The following FAT2 variants were observed in gnomAD, a reference collection of about 807,000 sequenced individuals.
The protein encoded by FAT2 is FAT atypical cadherin 2.
A neutral mutation model predicts 295.3 loss-of-function variants in FAT2; 150 were observed. That is an observed-to-expected ratio of 0.51 (90% confidence interval 0.44 to 0.58). FAT2 has a LOEUF of 0.58. FAT2 is among the 20% of genes least tolerant of loss of function. The pLI is 0.00. For synonymous variants in FAT2, 2,026 were observed against 2,150.3 expected, an observed-to-expected ratio of 0.94 and a Z score of 1.60; for missense variants, 4,868 against 5,442.7, an observed-to-expected ratio of 0.89 and a Z score of 3.32.
At chr5:151,540,861 G>A in intron 10 of FAT2, 98 bp from the exon 11 acceptor site, 1 of 1,121,784 alleles carries the variant, frequency 8.9e-7, no homozygotes, top group South Asian at 1.6e-5. Flanking sequence ...TTTTAGAATT[G>A]TTGGGAAAGC....
At chr5:151,506,582 T>C (rs1405333449) in intron 23 of FAT2, among the ~76,000 whole-genome samples, 1 of 152,224 alleles carries the variant, frequency 6.6e-6, no homozygotes, top group Non-Finnish European at 1.5e-5. Flanking sequence ...TACTGAATAG[T>C]TGGGTTAGTT....
At chr5:151,585,348 A>G (rs1009329652) in intron 1 of FAT2, among the ~76,000 whole-genome samples, 4 of 152,262 alleles carry the variant, frequency 2.6e-5, no homozygotes, top group Non-Finnish European at 5.9e-5. Context: ...GGCCAGGCTC[A>G]TGCCTATAAT....
intron 12 of FAT2, among the ~76,000 whole-genome samples, chr5:151,536,651 A>C (rs543353627): frequency 6.6e-6 from 1 of 152,142 alleles, no homozygotes; most frequent in Non-Finnish European, 1.5e-5. Context: ...ACTCTGCTCT[A>C]TCTCTTGGCT....
At chr5:151,593,087 G>A (rs574838253), upstream of FAT2, among the ~76,000 whole-genome samples, 15 of 152,192 alleles carry the variant, frequency 9.9e-5, 1 homozygote, top group South Asian at 4.1e-4. Context: ...CCTCCGCCCC[G>A]GATGAGAGGC....
At chr5:151,511,312 T>C (rs1761306709) in intron 21 of FAT2, 1 of 152,138 alleles carries the variant, frequency 6.6e-6, no homozygotes, top group Non-Finnish European at 1.5e-5. Context: ...ACCTCTCATG[T>C]TGTGTGTGAT....
chr5:151,584,573 G>A (rs570415533), intron 1 of FAT2, among the ~76,000 whole-genome samples: 24 of 152,272 alleles, frequency 1.6e-4, no homozygotes, highest in African/African-American at 5.8e-4. Flanking sequence ...TGGCTGCACC[G>A]CATACGGTCT....
chr5:151,514,937 T>C (rs967013606), intron 20 of FAT2, among the ~76,000 whole-genome samples: 4 of 152,244 alleles, frequency 2.6e-5, no homozygotes, highest in African/African-American at 9.6e-5. Flanking sequence ...ATTGCTCTAA[T>C]CTTTATTTTC....
At chr5:151,569,876 C>G (rs112452466) in intron 1 of FAT2, among the ~76,000 whole-genome samples, 4 of 152,350 alleles carry the variant, frequency 2.6e-5, no homozygotes, top group African/African-American at 9.6e-5. Context: ...ACCAAGATCC[C>G]AGGCGTGGCA....
chr5:151,545,480 C>T lies in FAT2; in HGVS notation c.5647G>A (p.Gly1883Arg), dbSNP rs189352048. The T allele has an allele frequency of 1.1e-4, 174 of 1,614,120 alleles. No homozygotes were observed. The East Asian group carries it at 3.0e-3, about 27-fold the overall frequency. Residue 1883 changes from glycine to arginine, a missense_variant, in exon 10 of 24, where the codon GGG becomes AGG. Gly to Arg is a moderately radical substitution (Grantham distance 125, BLOSUM62 -2). This residue lies in a region of FAT2 where 3,297 missense variants were observed against 3,669.4 expected (regional missense o/e 0.90). Transcript: ENST00000261800. ...AGCTCCATGCCTGGATGGATAGGCCCGACTATTGCTACCTCATATATCTGT... is the reference window on the plus strand; with the variant it reads ...AGCTCCATGCCTGGATGGATAGGCCTGACTATTGCTACCTCATATATCTGT... ...SEQIYEVAIVGPIHPGMELLM... is the reference protein window; with the variant it reads ...SEQIYEVAIVRPIHPGMELLM...
rs1235591397 is a variant in FAT2 at position 151,505,734 on chromosome 5, C to A, written c.12881G>T (p.Gly4294Val). 9 of 1,613,612 alleles carry A rather than the reference C, an allele frequency of 5.6e-6. No individual in the cohort carries two copies. The highest frequency in any genetic ancestry group is 7.6e-6 in the Non-Finnish European group (9 of 1,179,598). ...GGGGPCLADG[G>V]YKGVGMRLSR... ...GAGGCGCATACCCACCCCCTTGTAG[C>A]CCCCGTCTGCCAGGCAGGGCCCTCC... The change falls in exon 24 of 24, where the codon GGC becomes GTC. Residue 4294 changes from glycine (G) to valine (V), a missense_variant. Around this residue, in one of 5 missense-constraint regions of FAT2, gnomAD observed 492 missense variants for 482.6 expected, o/e 1.02. Transcript: ENST00000261800.
Position 151,567,639 on chromosome 5 carries a change from T to G in FAT2, c.1293A>C (p.Leu431=). The change falls in exon 2 of 24, where the codon CTA becomes CTC. Residue 431 remains leucine (L), a synonymous_variant. Coordinates refer to ENST00000261800, the MANE Select transcript of FAT2 (RefSeq NM_001447.3). ...MDFHDRAHYQ[L]HIRTSPGQAS... ...CCTGGCCCGGTGAGGTTCTGATGTG[T>G]AGCTGATAGTGGGCTCTGTCGTGGA... 4.3e-6 allele frequency: 7 copies of G among 1,614,126 alleles called. No homozygotes were observed. The highest frequency in any genetic ancestry group is 5.9e-6 in the Non-Finnish European group (7 of 1,180,010).
chr5:151,553,172 C>G lies in FAT2; in HGVS notation c.4156+5G>C, dbSNP rs370994434. 13 of 1,614,194 alleles carry G rather than the reference C, an allele frequency of 8.1e-6. No homozygotes were observed. In the South Asian group the frequency reaches 1.4e-4, roughly 18 times the overall value. On this transcript the variant is annotated splice_donor_5th_base_variant and intron_variant, in intron 6 of 23. Coordinates refer to ENST00000261800, the MANE Select transcript of FAT2 (RefSeq NM_001447.3). The stretch of plus-strand genomic sequence containing the variant: ...GCCCTTGTTGGGCCCTAGGCCTTGC[C>G]TCACCTGAGATGTTGAACCAGAAGA...
chr5:151,575,082 G>A (rs1447509676), intron 1 of FAT2, among the ~76,000 whole-genome samples: 1 of 152,252 alleles, frequency 6.6e-6, no homozygotes, highest in Non-Finnish European at 1.5e-5. Flanking sequence ...ATGGCAGTCT[G>A]AAGTGTCAGC....
intron 6 of FAT2, among the ~76,000 whole-genome samples, chr5:151,552,406 G>C (rs936639613): frequency 2.0e-5 from 3 of 152,190 alleles, no homozygotes; most frequent in Non-Finnish European, 4.4e-5. Context: ...CAAAGAGCTT[G>C]GGTCAAGGGC....
chr5:151,569,018 T>C, intron 1 of FAT2, 67 bp from the exon 2 acceptor site: 47 of 1,422,066 alleles, frequency 3.3e-5, no homozygotes, highest in Non-Finnish European at 4.2e-5. Flanking sequence ...CTGTGATTCT[T>C]AACTGGAGGT....
intron 3 of FAT2, among the ~76,000 whole-genome samples, chr5:151,557,113 G>A (rs747050962): frequency 1.3e-5 from 2 of 152,110 alleles, no homozygotes; most frequent in African/African-American, 2.4e-5. Context: ...CAACCAGTAG[G>A]GTTACTGGTG....
chr5:151,506,806 C>T (rs1760919726), intron 23 of FAT2, among the ~76,000 whole-genome samples: 1 of 152,238 alleles, frequency 6.6e-6, no homozygotes, highest in South Asian at 2.1e-4. Context: ...CAACCAGAAG[C>T]TTAGACCACT....
At position 151,543,079 on chromosome 5, in the gene FAT2, G is replaced by A; in HGVS notation, c.8048C>T (p.Pro2683Leu). The part of the protein sequence containing the change: ...SLVPVRLQVV[P>L]KKVSLPKFSE... ...AAATTTCGGTAAGGATACTTTTTTA[G>A]GAACCACCTGAAGTCGTACTGGCAC... The change falls in exon 10 of 24, where the codon CCT becomes CTT. Residue 2683 changes from proline to leucine, a missense_variant. By Grantham distance (98) the Pro-to-Leu change is moderately conservative (BLOSUM62 -3). Coordinates refer to ENST00000261800, the MANE Select transcript of FAT2 (RefSeq NM_001447.3). The A allele has an allele frequency of 6.2e-7, 1 of 1,614,142 alleles. No homozygotes were observed. Among genetic ancestry groups the A allele is most frequent in the East Asian group, 2.2e-5 (1 of 44,884 alleles).
chr5:151,549,752 G>A (rs531375173), intron 8 of FAT2, among the ~76,000 whole-genome samples: 2 of 152,268 alleles, frequency 1.3e-5, no homozygotes, highest in African/African-American at 4.8e-5. Context: ...GACAGAAATA[G>A]GCAGAGAAGC....
Sources: gnomAD v4.1 joint callset for allele counts (sites outside exome capture counted in the v4.1 genomes callset) on GRCh38, gnomAD v4.1.1 for gene constraint, gnomAD v4.1.1 regional missense constraint, MANE v1.5 for transcripts, NCBI Gene and HGNC (gene_info 2026-07-23, HGNC 2026-07-21) for gene names.